Variants in RASGEF1A observed in about 807,000 individuals in gnomAD.
The protein encoded by RASGEF1A is RasGEF domain family member 1A, also known as ras-GEF domain-containing family member 1A.
Under a neutral mutation model 56.4 loss-of-function variants are expected in RASGEF1A, and 18 were observed. The ratio of observed to expected loss-of-function variants is 0.32; its 90% confidence interval spans 0.22 to 0.47. The LOEUF (loss-of-function observed/expected upper bound fraction) is 0.47. Among genes scored for constraint, RASGEF1A ranks in the 20% least tolerant of loss-of-function variants. RASGEF1A has a pLI of 1.00. For synonymous variants in RASGEF1A, 245 were observed against 242.6 expected (o/e 1.01, Z -0.09); for missense variants, 422 against 627.1 (o/e 0.67, Z 3.49).
intron 1 of RASGEF1A, among the ~76,000 whole-genome samples, chr10:43,235,022 G>A (rs994683616): frequency 6.6e-6 from 1 of 152,194 alleles, no homozygotes; most frequent in African/African-American, 2.4e-5. Flanking sequence ...CAGGCTCCAG[G>A]GAAGGTTGTC....
chr10:43,265,973 G>T (rs1588956237), intron 1 of RASGEF1A, among the ~76,000 whole-genome samples: 1 of 152,342 alleles, frequency 6.6e-6, no homozygotes, highest in South Asian at 2.1e-4. Flanking sequence ...TGGTGGGGAG[G>T]GTGAACCAGG....
At chr10:43,254,984 G>C (rs1840671874) in intron 1 of RASGEF1A, among the ~76,000 whole-genome samples, 1 of 152,072 alleles carries the variant, frequency 6.6e-6, no homozygotes, top group Non-Finnish European at 1.5e-5. Context: ...GGAACACTGG[G>C]GACTTTCCTC....
intron 1 of RASGEF1A, among the ~76,000 whole-genome samples, chr10:43,213,167 A>G (rs1182380906): frequency 1.3e-5 from 2 of 152,236 alleles, no homozygotes; most frequent in Non-Finnish European, 2.9e-5. Flanking sequence ...CTAATGTTCC[A>G]TAACAGACTC....
intron 1 of RASGEF1A, among the ~76,000 whole-genome samples, chr10:43,266,468 C>A (rs1353440722): frequency 1.3e-5 from 2 of 151,888 alleles, no homozygotes; most frequent in East Asian, 3.9e-4. Context: ...CCCCAGCCCC[C>A]ACCCCCACGC....
chr10:43,216,266 C>A (rs1840135604), intron 1 of RASGEF1A, among the ~76,000 whole-genome samples: 1 of 152,182 alleles, frequency 6.6e-6, no homozygotes, highest in African/African-American at 2.4e-5. Flanking sequence ...AGGGTCTATG[C>A]CTACAGTGGG....
intron 1 of RASGEF1A, among the ~76,000 whole-genome samples, chr10:43,258,340 G>A (rs889443634): frequency 6.6e-6 from 1 of 152,192 alleles, no homozygotes; most frequent in African/African-American, 2.4e-5. Flanking sequence ...CTGAGGTGAG[G>A]GGGCTGTGGA....
chr10:43,252,246 G>A (rs183713037), intron 1 of RASGEF1A, among the ~76,000 whole-genome samples: 3 of 152,330 alleles, frequency 2.0e-5, no homozygotes, highest in South Asian at 2.1e-4. Flanking sequence ...ACTCCACATC[G>A]TGGACACATC....
In RASGEF1A at chr10:43,235,111, C is replaced by A. The variant is rs954211284; in HGVS notation, c.-6-28989G>T. Among the ~76,000 whole-genome samples the A allele has an allele frequency of 2.0e-5, 3 of 152,238 alleles. No individual in the cohort carries two copies. The East Asian group carries it at 5.8e-4, about 29-fold the overall frequency. On this transcript the variant is annotated intron_variant, in intron 1 of 12. Transcript: ENST00000395810. Reference sequence around the variant, plus strand: ...TTTCCCTCAGGCCATACCATTAGTGCTCCCTTTTGGAGAATAATATTCCAT... The same window carrying A: ...TTTCCCTCAGGCCATACCATTAGTGATCCCTTTTGGAGAATAATATTCCAT...
intron 1 of RASGEF1A, among the ~76,000 whole-genome samples, chr10:43,222,555 G>T (rs1325372589): frequency 2.0e-5 from 3 of 152,218 alleles, no homozygotes; most frequent in African/African-American, 7.2e-5. Context: ...CAGGTGGAGG[G>T]CCCTGGAGTG....
At position 43,250,936 on chromosome 10, in the gene RASGEF1A, A is replaced by G. The variant is rs560981564; in HGVS notation, c.-7+15909T>C. Among the ~76,000 whole-genome samples, 3 of 152,294 alleles carry G rather than the reference A, an allele frequency of 2.0e-5. No homozygotes were observed. The East Asian group carries it at 5.8e-4, about 29-fold the overall frequency. On this transcript the variant is annotated intron_variant, in intron 1 of 12. Transcript: ENST00000395810. ...CAGAGACACCTGGGTGGAGGTGGAG[A>G]CGTGCAGGCAGGAGCTGCCCAGGGC...
chr10:43,219,656 C>T (rs1013285048), intron 1 of RASGEF1A, among the ~76,000 whole-genome samples: 21 of 152,180 alleles, frequency 1.4e-4, no homozygotes, highest in African/African-American at 4.3e-4. Context: ...GGACAGTGAG[C>T]GGGCAGGGTC....
chr10:43,228,678 C>T (rs1433405258), intron 1 of RASGEF1A, among the ~76,000 whole-genome samples: 3 of 152,226 alleles, frequency 2.0e-5, no homozygotes, highest in African/African-American at 7.2e-5. Context: ...TCCTCACAGG[C>T]CCTGCTAGCT....
At position 43,195,397 on chromosome 10, in the gene RASGEF1A, AGAC is replaced by A. The variant is rs1801564117; in HGVS notation, c.*844_*846del. 1 of 152,194 alleles carries A rather than the reference AGAC, an allele frequency of 6.6e-6. No individual in the cohort carries two copies. The highest frequency in any genetic ancestry group is 2.4e-5 in the African/African-American group (1 of 41,432). The allele number at this position is 152,194 out of a possible 1,614,324, so 9.4% of individuals were successfully genotyped here. On this transcript the variant is annotated 3_prime_UTR_variant, in exon 13 of 13. Transcript: ENST00000395810. This position sits in a 1 kb window ranked among gnomAD's most constrained non-coding sequence, Gnocchi z 4.2. ...TCCCCTCTGTAGATGATAGGTTTCA[AGAC>A]TAGCTCTAAATGTCACCACCCTGGA... is the stretch of plus-strand genomic sequence containing the variant.
chr10:43,203,074 C>G (rs1202541887), intron 3 of RASGEF1A, among the ~76,000 whole-genome samples: 1 of 149,256 alleles, frequency 6.7e-6, no homozygotes, highest in African/African-American at 2.5e-5. Context: ...GCCTTGACCC[C>G]GACCCTGCCC....
intron 7 of RASGEF1A, 84 bp from the exon 8 acceptor site, chr10:43,199,278 G>A (rs1839854085): frequency 9.5e-7 from 1 of 1,056,246 alleles, no homozygotes; most frequent in African/African-American, 1.6e-5. Context: ...CAGAGGGGCA[G>A]GGAGGACCTC....
At chr10:43,266,357 T>C (rs897266950) in intron 1 of RASGEF1A, among the ~76,000 whole-genome samples, 1 of 152,032 alleles carries the variant, frequency 6.6e-6, no homozygotes, top group East Asian at 1.9e-4. Flanking sequence ...CAAGCCCCAA[T>C]TCCTCGCCAA....
At chr10:43,253,891 G>A (rs1840655923) in intron 1 of RASGEF1A, among the ~76,000 whole-genome samples, 1 of 152,234 alleles carries the variant, frequency 6.6e-6, no homozygotes, top group South Asian at 2.1e-4. Flanking sequence ...TAAGAGGCAG[G>A]GGCAGCCCAC....
At chr10:43,215,241 G>C (rs1195989909) in intron 1 of RASGEF1A, among the ~76,000 whole-genome samples, 1 of 152,180 alleles carries the variant, frequency 6.6e-6, no homozygotes, top group African/African-American at 2.4e-5. Flanking sequence ...GGAGGTGGAG[G>C]AGGGGTTCGA....
At chr10:43,218,357 C>T (rs907980286) in intron 1 of RASGEF1A, among the ~76,000 whole-genome samples, 13 of 152,348 alleles carry the variant, frequency 8.5e-5, no homozygotes, top group African/African-American at 2.4e-4. Context: ...CAGGTGGACC[C>T]GTTGACCTGG....
Sources: allele counts gnomAD v4.1 joint callset (sites outside exome capture counted in the v4.1 genomes callset), GRCh38; gene constraint gnomAD v4.1.1; non-coding constraint Gnocchi (gnomAD v3.1); transcripts MANE v1.5; gene names NCBI Gene and HGNC (gene_info 2026-07-23, HGNC 2026-07-21).